The following ATP8A2 variants were observed in gnomAD, a reference collection of about 807,000 sequenced individuals.
ATP8A2 encodes the protein ATPase phospholipid transporting 8A2.
Under a neutral mutation model 165.6 loss-of-function variants are expected in ATP8A2, and 100 were observed. The ratio of observed to expected loss-of-function variants is 0.60; its 90% confidence interval spans 0.51 to 0.71. ATP8A2 has a LOEUF of 0.71. Among genes scored for constraint, ATP8A2 ranks in the 30% least tolerant of loss-of-function variants. The pLI, the probability that ATP8A2 is intolerant of heterozygous loss-of-function variation, is 0.00. For missense variants in ATP8A2, 1,227 were observed against 1,479.5 expected (o/e 0.83, Z 2.80); for synonymous variants, 543 against 548.8 (o/e 0.99, Z 0.15).
chr13:25,945,249 C>T (rs943231308), intron 33 of ATP8A2, among the ~76,000 whole-genome samples: 2 of 152,162 alleles, frequency 1.3e-5, no homozygotes, highest in African/African-American at 4.8e-5. Context: ...AATCGTTAGC[C>T]TGCAATGTGC....
chr13:25,616,977 G>A (rs1466710251), intron 24 of ATP8A2, among the ~76,000 whole-genome samples: 1 of 152,136 alleles, frequency 6.6e-6, no homozygotes, highest in Non-Finnish European at 1.5e-5. Context: ...ATAACATAAA[G>A]ATTAAATATG....
chr13:25,826,521 C>T (rs1171634406), intron 27 of ATP8A2, among the ~76,000 whole-genome samples: 2 of 152,140 alleles, frequency 1.3e-5, no homozygotes, highest in Non-Finnish European at 2.9e-5. Context: ...CTTCAAGAAA[C>T]GCAGTCTGGT....
At chr13:25,738,732 G>C (rs2043841660) in intron 25 of ATP8A2, among the ~76,000 whole-genome samples, 1 of 152,254 alleles carries the variant, frequency 6.6e-6, no homozygotes, top group African/African-American at 2.4e-5. Flanking sequence ...ATCCTTGCCA[G>C]CTTTTATTTC....
At chr13:25,809,745 C>T (rs928994027) in intron 27 of ATP8A2, among the ~76,000 whole-genome samples, 2 of 152,106 alleles carry the variant, frequency 1.3e-5, no homozygotes, top group African/African-American at 2.4e-5. Flanking sequence ...TGTGTCCTCA[C>T]TGGTCCATAG....
chr13:25,704,358 CAGTCTTGCTCTGTCACCT>C (rs2043012725), intron 25 of ATP8A2, among the ~76,000 whole-genome samples: 1 of 133,542 alleles, frequency 7.5e-6, no homozygotes, highest in Non-Finnish European at 1.7e-5. Context: ...TTTTTTGAGG[CAGTCTTGCTCTGTCACCT>C]AGTCTGGAGT....
chr13:25,505,996 A>T (rs190547617), intron 2 of ATP8A2, among the ~76,000 whole-genome samples: 1 of 152,332 alleles, frequency 6.6e-6, no homozygotes, highest in East Asian at 1.9e-4. Flanking sequence ...AGCTTCTCCA[A>T]GCTGACGCTG....
rs1566224645 is a variant in ATP8A2, at chr13:25,528,770, GTA to G, written c.222-1227_222-1226del. Among the ~76,000 whole-genome samples, 50 of 86,078 alleles carry G rather than the reference GTA, an allele frequency of 5.8e-4. 2 individuals are homozygous for G. Among genetic ancestry groups the G allele is most frequent in the African/African-American group, 1.1e-3 (31 of 28,988 alleles). 56.5% of individuals were successfully genotyped at this position (86,078 alleles called of 152,430 possible). Reference sequence around the variant, plus strand: ...GTGTATGCATACATATGCAACATGTGTATGCACACATATGCAACATGTGTATG... The same window carrying G: ...GTGTATGCATACATATGCAACATGTGTGCACACATATGCAACATGTGTATG... On this transcript the variant is annotated intron_variant, in intron 2 of 36. Coordinates refer to ENST00000381655, the MANE Select transcript of ATP8A2 (RefSeq NM_016529.6).
intron 33 of ATP8A2, among the ~76,000 whole-genome samples, chr13:25,893,036 T>C (rs1187260083): frequency 6.6e-6 from 1 of 152,086 alleles, no homozygotes; most frequent in Non-Finnish European, 1.5e-5. Flanking sequence ...TTTTTTCTTT[T>C]AGAAAATTTT....
At chr13:25,843,391 G>C (rs1309140297) in intron 30 of ATP8A2, among the ~76,000 whole-genome samples, 9 of 151,700 alleles carry the variant, frequency 5.9e-5, no homozygotes, top group Non-Finnish European at 1.3e-4. Context: ...TGCCCCCCCC[G>C]CCCAATTCAT....
chr13:25,769,598 C>T (rs1291983454), intron 26 of ATP8A2, among the ~76,000 whole-genome samples: 3 of 152,222 alleles, frequency 2.0e-5, no homozygotes, highest in Non-Finnish European at 4.4e-5. Context: ...CAGCTGTGCT[C>T]ATGACAGCCT....
intron 35 of ATP8A2, among the ~76,000 whole-genome samples, chr13:25,976,836 T>G (rs997493723): frequency 2.6e-5 from 4 of 152,330 alleles, no homozygotes; most frequent in Non-Finnish European, 5.9e-5. Context: ...TCGCCCAGGC[T>G]GGAGTGCAGT....
At chr13:25,706,600 C>T (rs942044172) in intron 25 of ATP8A2, among the ~76,000 whole-genome samples, 1 of 152,118 alleles carries the variant, frequency 6.6e-6, no homozygotes, top group Non-Finnish European at 1.5e-5. Context: ...ATTGTACCAC[C>T]AATTGTGTTT....
At chr13:25,520,468 G>T (rs9581370) in intron 2 of ATP8A2, among the ~76,000 whole-genome samples, 9,067 of 152,144 alleles carry the variant, frequency 0.06, 343 homozygotes, top group South Asian at 0.13. Flanking sequence ...CTGTAAATAT[G>T]CTGAATAGTG....
chr13:25,928,119 G>A (rs530596388), intron 33 of ATP8A2, among the ~76,000 whole-genome samples: 8 of 152,258 alleles, frequency 5.3e-5, no homozygotes, highest in East Asian at 1.9e-4. Context: ...TCTTCTCCCC[G>A]TCAGTTGGAA....
chr13:25,793,658 A>G (rs2045241266), intron 27 of ATP8A2, among the ~76,000 whole-genome samples: 1 of 4,032 alleles, frequency 2.5e-4, no homozygotes, highest in Non-Finnish European at 3.2e-3. Flanking sequence ...GGGGAGACTT[A>G]GTGTTTTTTT....
At chr13:25,579,645 T>C (rs1236695378) in intron 21 of ATP8A2, among the ~76,000 whole-genome samples, 163 bp from the exon 22 acceptor site, 1 of 152,140 alleles carries the variant, frequency 6.6e-6, no homozygotes, top group Non-Finnish European at 1.5e-5. Flanking sequence ...GGAGAGCTGT[T>C]TTTAAAGGTC....
rs185195097 is a variant in ATP8A2, at chr13:25,961,644, G to A, written c.3253G>A (p.Glu1085Lys). The A allele has an allele frequency of 3.1e-6, 5 of 1,613,712 alleles. No individual in the cohort carries two copies. The African/African-American group carries it at 4.0e-5, about 13-fold the overall frequency. ...LFLVPTACLIEDVAWRAAKHT... is the reference protein window; with the variant it reads ...LFLVPTACLIKDVAWRAAKHT... ...TCTGGTTCCTACTGCCTGTTTGATTGAAGATGTGGCATGGAGAGCGTAAGT... is the reference window on the plus strand; with the variant it reads ...TCTGGTTCCTACTGCCTGTTTGATTAAAGATGTGGCATGGAGAGCGTAAGT... Residue 1085 changes from glutamate (E) to lysine (K), a missense_variant, in exon 34 of 37, where the codon GAA becomes AAA. Physicochemically the swap from Glu to Lys is moderately conservative, Grantham distance 56 (BLOSUM62 1). Transcript: ENST00000381655.
intron 1 of ATP8A2, among the ~76,000 whole-genome samples, chr13:25,399,858 T>C (rs9652067): frequency 0.96 from 143,165 of 148,560 alleles, 69,189 homozygotes; most frequent in East Asian, 1. Flanking sequence ...CCCCCTCCTC[T>C]TTCATCTTCT....
chr13:25,372,617 G>A lies in ATP8A2; in HGVS notation c.76+329G>A, dbSNP rs1180352727. Among the ~76,000 whole-genome samples the A allele has an allele frequency of 6.6e-6, 1 of 152,216 alleles. No individual in the cohort carries two copies. The highest frequency in any genetic ancestry group is 2.4e-5 in the African/African-American group (1 of 41,462). The stretch of plus-strand genomic sequence containing the variant: ...CGCCCCTACGCGCGGATGCGGCTCA[G>A]GGATGCGACCTAGGCGGCAGTCACC... On this transcript the variant is annotated intron_variant, in intron 1 of 36. Coordinates refer to ENST00000381655, the MANE Select transcript of ATP8A2 (RefSeq NM_016529.6). This position sits in a 1 kb window ranked among gnomAD's most constrained non-coding sequence, Gnocchi z 4.8.
Sources: allele counts gnomAD v4.1 joint callset (sites outside exome capture counted in the v4.1 genomes callset), GRCh38; gene constraint gnomAD v4.1.1; non-coding constraint Gnocchi (gnomAD v3.1); transcripts MANE v1.5; gene names NCBI Gene and HGNC (gene_info 2026-07-23, HGNC 2026-07-21).